CENPU: variants seen among roughly 807,000 people sequenced by gnomAD.
CENPU encodes the protein KSHV latent nuclear antigen interacting protein 1.
In CENPU, 46 loss-of-function variants were observed where a neutral mutation model predicts 56.7. The observed-to-expected ratio is 0.81, with a 90% CI of 0.64 to 1.04. The LOEUF is 1.04. Among genes scored for constraint, CENPU ranks in the 50% least tolerant of loss-of-function variants. CENPU has a pLI of 0.00. For missense variants in CENPU, 510 were observed against 490.1 expected (o/e 1.04, Z -0.38); for synonymous variants, 166 against 163.0 (o/e 1.02, Z -0.14).
intron 8 of CENPU, among the ~76,000 whole-genome samples, chr4:184,707,645 C>T (rs1322404512): frequency 6.6e-6 from 1 of 152,138 alleles, no homozygotes; most frequent in Admixed American, 6.5e-5. Flanking sequence ...TAGGGCTTAC[C>T]CCACCCCCTG....
chr4:184,696,443 A>C (rs193158211), intron 12 of CENPU, among the ~76,000 whole-genome samples: 1 of 152,202 alleles, frequency 6.6e-6, no homozygotes, highest in South Asian at 2.1e-4. Context: ...GCTTTTAACC[A>C]AAGTATTATG....
intron 10 of CENPU, among the ~76,000 whole-genome samples, chr4:184,701,236 A>G (rs934505512): frequency 6.6e-6 from 1 of 151,978 alleles, no homozygotes; most frequent in African/African-American, 2.4e-5. Flanking sequence ...GTTGTGATCC[A>G]CTCTGTATTT....
Position 184,702,093 on chromosome 4 carries a change from G to A in CENPU, c.920C>T (p.Ala307Val). 1 of 1,600,578 alleles carries A rather than the reference G, an allele frequency of 6.2e-7. No homozygotes were observed. Among genetic ancestry groups the A allele is most frequent in the Non-Finnish European group, 8.6e-7 (1 of 1,168,788 alleles). Residue 307 changes from alanine to valine, a missense_variant, in exon 10 of 13, where the codon GCT (alanine) becomes GTT (valine). Transcript: ENST00000281453. ...QMLTNLKRKN[A>V]KMISDIEKKR... is the part of the protein sequence containing the mutation. ...CTAATCACATAAATAATTTACCTTA[G>A]CATTCTTCCTTTTCAGATTTGTCAA...
At position 184,700,678 on chromosome 4, in the gene CENPU, A is replaced by G. The variant is rs77557479; in HGVS notation, c.986+142T>C. ...AAAAGGTGGGGCAACTAAGCAGCATACCCTGCCTTCACTGAGTATCGGAGC... is the reference window on the plus strand; with the variant it reads ...AAAAGGTGGGGCAACTAAGCAGCATGCCCTGCCTTCACTGAGTATCGGAGC... On this transcript the variant is annotated intron_variant, in intron 11 of 12. Coordinates refer to ENST00000281453, the MANE Select transcript of CENPU (RefSeq NM_024629.4). 125 of 750,766 alleles carry G rather than the reference A, an allele frequency of 1.7e-4. 1 individual carries two copies. In the African/African-American group the frequency reaches 2.0e-3, roughly 12 times the overall value. 46.5% of individuals were successfully genotyped at this position (750,766 alleles called of 1,614,324 possible). A position where few individuals can be genotyped will look rare whatever the true frequency, so the allele number is the denominator to read the frequency against.
intron 2 of CENPU, among the ~76,000 whole-genome samples, chr4:184,730,484 CTGG>C (rs1761600569): frequency 6.9e-6 from 1 of 145,094 alleles, no homozygotes; most frequent in African/African-American, 2.6e-5. Flanking sequence ...GAAAAAAAAA[CTGG>C]AATTAGCTAT....
intron 11 of CENPU, chr4:184,698,019 G>C: frequency 2.0e-6 from 1 of 492,498 alleles, no homozygotes; most frequent in Non-Finnish European, 3.6e-6. Context: ...ATAATTAGCA[G>C]TGATATCCAC....
Position 184,716,458 on chromosome 4 carries a change from G to A in CENPU, c.557C>T (p.Thr186Ile). ...KPAESVTSKK[T>I]GPLSAQPSVE... ...AGAGGGCTGGGCACTAAGGGGTCCT[G>A]TCTTTTTAGAAGTGACAGACTCAGC... Residue 186 changes from threonine (T) to isoleucine (I), a missense_variant, in exon 6 of 13, where the codon ACA (threonine) becomes ATA (isoleucine). Transcript: ENST00000281453. 1 of 1,614,198 alleles carries A rather than the reference G, an allele frequency of 6.2e-7. No homozygotes were observed. Among genetic ancestry groups the A allele is most frequent in the Non-Finnish European group, 8.5e-7 (1 of 1,180,036 alleles).
At chr4:184,719,412 CA>C (rs1296652600) in intron 4 of CENPU, among the ~76,000 whole-genome samples, 6 of 152,214 alleles carry the variant, frequency 3.9e-5, no homozygotes, top group African/African-American at 9.7e-5. Flanking sequence ...AAAGCAGAAC[CA>C]GGCTGAACTA....
rs1760390819 is a variant in CENPU, at chr4:184,697,821, G to C, written c.987-18C>G. 1.3e-6 allele frequency: 2 copies of C among 1,579,610 alleles called. No individual in the cohort carries two copies. Among genetic ancestry groups the C allele is most frequent in the East Asian group, 4.5e-5 (2 of 44,664 alleles). ...GCTCTAACCTAAAACAAAAATAAGT[G>C]ACAAATAATAAAATGTACCAGCCTA... On this transcript the variant is annotated intron_variant, in intron 11 of 12. Transcript: ENST00000281453.
intron 8 of CENPU, among the ~76,000 whole-genome samples, chr4:184,707,261 G>GT (rs1214134322): frequency 2.0e-5 from 3 of 151,070 alleles, no homozygotes; most frequent in Non-Finnish European, 4.4e-5. Flanking sequence ...AATAACTGCT[G>GT]TAAGGAGTGG....
Position 184,710,172 on chromosome 4 carries a change from C to A in CENPU, c.697G>T (p.Asp233Tyr). Residue 233 changes from aspartate (D) to tyrosine (Y), a missense_variant, in exon 8 of 13, where the codon GAC (aspartate) becomes TAC (tyrosine). Physicochemically the swap from Asp to Tyr is radical, Grantham distance 160. Transcript: ENST00000281453. The stretch of plus-strand genomic sequence containing the variant: ...TCTGGACACCAAATGTGCACAATGT[C>A]AGAAGTATCTAAAATATTAAGATAA... ...RSKAIGSDTS[D>Y]IVHIWCPEGM... 1 of 1,597,426 alleles carries A rather than the reference C, an allele frequency of 6.3e-7. No homozygotes were observed. Among genetic ancestry groups the A allele is most frequent in the South Asian group, 1.1e-5 (1 of 89,494 alleles).
chr4:184,722,312 T>C (rs927013389), intron 4 of CENPU, among the ~76,000 whole-genome samples: 1 of 152,096 alleles, frequency 6.6e-6, no homozygotes, highest in Non-Finnish European at 1.5e-5. Context: ...AATAACCTAA[T>C]GATGCATCTT....
At chr4:184,711,071 G>A (rs2150212563) in intron 7 of CENPU, among the ~76,000 whole-genome samples, 1 of 152,182 alleles carries the variant, frequency 6.6e-6, no homozygotes, top group East Asian at 1.9e-4. Flanking sequence ...TGCCCAGGCT[G>A]GTCTTGAACT....
At chr4:184,722,604 T>C (rs1165109375) in intron 4 of CENPU, among the ~76,000 whole-genome samples, 1 of 151,232 alleles carries the variant, frequency 6.6e-6, no homozygotes, top group Non-Finnish European at 1.5e-5. Flanking sequence ...AATATATCGC[T>C]GCATCTAAAT....
chr4:184,725,366 T>C (rs1761416855), intron 3 of CENPU, among the ~76,000 whole-genome samples: 1 of 152,230 alleles, frequency 6.6e-6, no homozygotes, highest in Non-Finnish European at 1.5e-5. Flanking sequence ...AGTGCAGTAG[T>C]GCGATCTCAG....
At chr4:184,718,322 T>C (rs1295924473) in intron 4 of CENPU, among the ~76,000 whole-genome samples, 2 of 152,234 alleles carry the variant, frequency 1.3e-5, no homozygotes, top group East Asian at 3.8e-4. Context: ...CAGTGCAGTC[T>C]GAGGCCACCT....
At chr4:184,723,073 C>T in intron 4 of CENPU, among the ~76,000 whole-genome samples, 1 of 152,124 alleles carries the variant, frequency 6.6e-6, no homozygotes, top group Admixed American at 6.5e-5. Flanking sequence ...CCCAGTGGCA[C>T]TGGGAGTGAC....
intron 4 of CENPU, among the ~76,000 whole-genome samples, chr4:184,717,937 A>G (rs1308977526): frequency 1.3e-5 from 2 of 152,252 alleles, no homozygotes; most frequent in Non-Finnish European, 2.9e-5. Flanking sequence ...GTGGTGTAAA[A>G]CAGCCCAGCA....
chr4:184,722,647 A>C (rs894270545), intron 4 of CENPU, among the ~76,000 whole-genome samples: 7 of 152,008 alleles, frequency 4.6e-5, no homozygotes, highest in Non-Finnish European at 7.4e-5. Context: ...GAAAAAAAAA[A>C]CCACCACCAT....
Sources: allele counts gnomAD v4.1 joint callset (sites outside exome capture counted in the v4.1 genomes callset), GRCh38; gene constraint gnomAD v4.1.1; transcripts MANE v1.5; gene names NCBI Gene and HGNC (gene_info 2026-07-23, HGNC 2026-07-21).